MAP3K5: variants seen among roughly 807,000 people sequenced by gnomAD.
The protein encoded by MAP3K5 is mitogen-activated protein kinase kinase kinase 5, also known as ASK-1.
Under a neutral mutation model 158.7 loss-of-function variants are expected in MAP3K5, and 56 were observed. That is an observed-to-expected ratio of 0.35 (90% CI 0.28 to 0.44). The LOEUF (loss-of-function observed/expected upper bound fraction) is 0.44. Among genes scored for constraint, MAP3K5 ranks in the 20% least tolerant of loss-of-function variants. MAP3K5 has a pLI of 1.00. For missense variants in MAP3K5, 1,294 were observed against 1,674.8 expected (o/e 0.77, Z 3.97); for synonymous variants, 579 against 601.7 (o/e 0.96, Z 0.55).
chr6:136,630,737 C>T (rs867570127), intron 14 of MAP3K5, among the ~76,000 whole-genome samples: 1 of 152,118 alleles, frequency 6.6e-6, no homozygotes, highest in African/African-American at 2.4e-5. Flanking sequence ...AAGTCTTAAC[C>T]CTCTTTCTTA....
chr6:136,679,436 T>G (rs780565821), intron 7 of MAP3K5, among the ~76,000 whole-genome samples: 10 of 150,074 alleles, frequency 6.7e-5, no homozygotes, highest in Admixed American at 2.0e-4. Flanking sequence ...GAATTTCATG[T>G]TTTTTTTTAT....
At chr6:136,701,344 A>T (rs868278378) in intron 3 of MAP3K5, among the ~76,000 whole-genome samples, 1 of 152,228 alleles carries the variant, frequency 6.6e-6, no homozygotes, top group African/African-American at 2.4e-5. Context: ...TGACTATGTT[A>T]TCCTTTAAGG....
intron 2 of MAP3K5, among the ~76,000 whole-genome samples, chr6:136,718,498 A>C (rs2114770548): frequency 6.6e-6 from 1 of 152,334 alleles, no homozygotes; most frequent in Admixed American, 6.5e-5. Context: ...CTCTCCTTTA[A>C]GAATTTGAAA....
intron 25 of MAP3K5, among the ~76,000 whole-genome samples, chr6:136,579,117 C>T (rs1774750871): frequency 6.6e-6 from 1 of 151,836 alleles, no homozygotes; most frequent in Admixed American, 6.6e-5. Context: ...TACAATAGAA[C>T]ATGTTTCTAA....
Position 136,642,573 on chromosome 6 carries a change from GAACAAC to G in MAP3K5, c.1789-10_1789-5del. On this transcript the variant is annotated splice_region_variant and splice_polypyrimidine_tract_variant and intron_variant, in intron 11 of 29. Coordinates refer to ENST00000359015, the MANE Select transcript of MAP3K5 (RefSeq NM_005923.4). ...AATTCCACTCATGTATACCTTTCTA[GAACAAC>G]AACAAGAAAATATACTGAGTCATCC... is the stretch of plus-strand genomic sequence containing the variant. The G allele has an allele frequency of 6.3e-7, 1 of 1,594,468 alleles. No individual in the cohort carries two copies. Among genetic ancestry groups the G allele is most frequent in the South Asian group, 1.1e-5 (1 of 89,916 alleles).
rs374258630 is a variant in MAP3K5, at chr6:136,580,409, G to C, written c.3412-3C>G. On this transcript the variant is annotated splice_polypyrimidine_tract_variant and splice_region_variant and intron_variant, in intron 24 of 29. Transcript: ENST00000359015. ...TGATTCCGAAGAACTTTATTGACCT[G>C]GAGAGAGAGTGACATTTAGCCTACT... 1.3e-6 allele frequency: 2 copies of C among 1,589,832 alleles called. No individual in the cohort carries two copies. The highest frequency in any genetic ancestry group is 1.1e-5 in the South Asian group (1 of 90,400).
chr6:136,581,470 G>A (rs894588838), intron 24 of MAP3K5, among the ~76,000 whole-genome samples: 1 of 152,176 alleles, frequency 6.6e-6, no homozygotes, highest in Non-Finnish European at 1.5e-5. Flanking sequence ...CCCCAACAGG[G>A]CTCTGGTTAG....
intron 3 of MAP3K5, 150 bp downstream of exon 3, chr6:136,704,960 T>G: frequency 2.1e-6 from 1 of 485,664 alleles, no homozygotes. Context: ...AGTACTTAGA[T>G]AACCATATTT....
At chr6:136,787,816 T>C (rs566949506) in intron 1 of MAP3K5, among the ~76,000 whole-genome samples, 14 of 152,252 alleles carry the variant, frequency 9.2e-5, no homozygotes, top group Non-Finnish European at 1.9e-4. Context: ...GACCATGTTC[T>C]TCCCACTATC....
chr6:136,676,723 T>C (rs1234841686), intron 7 of MAP3K5, among the ~76,000 whole-genome samples: 3 of 152,086 alleles, frequency 2.0e-5, no homozygotes, highest in African/African-American at 7.2e-5. Context: ...TTGCCATATT[T>C]ACATTCTCTA....
At chr6:136,576,131 T>C (rs959181503) in intron 25 of MAP3K5, among the ~76,000 whole-genome samples, 4 of 152,198 alleles carry the variant, frequency 2.6e-5, no homozygotes, top group African/African-American at 9.7e-5. Flanking sequence ...TATATTAATA[T>C]GGACTCACGG....
chr6:136,783,276 T>TAAA (rs11436876), intron 1 of MAP3K5, among the ~76,000 whole-genome samples: 4 of 144,144 alleles, frequency 2.8e-5, no homozygotes, highest in African/African-American at 5.1e-5. Context: ...AAGATCTTCT[T>TAAA]AAAAAAAAAA....
chr6:136,571,299 C>T (rs1438526462), intron 25 of MAP3K5, among the ~76,000 whole-genome samples: 3 of 152,156 alleles, frequency 2.0e-5, no homozygotes, highest in Non-Finnish European at 4.4e-5. Context: ...GGTCACGGGA[C>T]AAGAACCCAG....
chr6:136,641,711 G>A (rs1268958466), intron 12 of MAP3K5, among the ~76,000 whole-genome samples: 4 of 151,290 alleles, frequency 2.6e-5, no homozygotes, highest in South Asian at 2.1e-4. Context: ...GACAGGGGCC[G>A]GGCGGAGTGG....
chr6:136,578,116 A>G (rs1774700599), intron 25 of MAP3K5, among the ~76,000 whole-genome samples: 1 of 152,100 alleles, frequency 6.6e-6, no homozygotes, highest in Admixed American at 6.5e-5. Flanking sequence ...TTCATCCCAT[A>G]GATCTTTTGA....
chr6:136,653,728 T>C (rs1161360842), intron 10 of MAP3K5, among the ~76,000 whole-genome samples: 1 of 152,232 alleles, frequency 6.6e-6, no homozygotes, highest in East Asian at 1.9e-4. Flanking sequence ...TTATCATACA[T>C]GTAAATATAA....
chr6:136,611,250 A>G, intron 18 of MAP3K5, 32 bp downstream of exon 18: 2 of 1,347,356 alleles, frequency 1.5e-6, no homozygotes, highest in Non-Finnish European at 2.1e-6. Context: ...CTTTAATTAC[A>G]TAAGATCTGT....
At chr6:136,750,153 T>C (rs372091432) in intron 1 of MAP3K5, among the ~76,000 whole-genome samples, 128 of 152,222 alleles carry the variant, frequency 8.4e-4, no homozygotes, top group African/African-American at 2.7e-3. Context: ...TCTCGGCTCA[T>C]TGTAACCTCC....
At chr6:136,577,754 A>C (rs986014829) in intron 25 of MAP3K5, among the ~76,000 whole-genome samples, 1 of 152,216 alleles carries the variant, frequency 6.6e-6, no homozygotes, top group Non-Finnish European at 1.5e-5. Flanking sequence ...ATTCCTGTAT[A>C]CCATCCACAC....
Sources: allele counts gnomAD v4.1 joint callset (sites outside exome capture counted in the v4.1 genomes callset), GRCh38; gene constraint gnomAD v4.1.1; transcripts MANE v1.5; gene names NCBI Gene and HGNC (gene_info 2026-07-23, HGNC 2026-07-21).